The following UNC80 variants were observed in gnomAD, a reference collection of about 807,000 sequenced individuals.
UNC80 encodes the protein unc-80 subunit of NALCN channel complex, also known as protein unc-80 homolog.
UNC80 carries 164 observed loss-of-function variants against 384.6 expected under a neutral mutation model. The observed-to-expected ratio is 0.43, with a 90% CI of 0.38 to 0.49. The LOEUF is 0.49. UNC80 is among the 20% of genes least tolerant of loss of function. The pLI is 0.00. For missense variants in UNC80, 3,330 were observed against 4,143.0 expected, an observed-to-expected ratio of 0.80 and a Z score of 5.39; for synonymous variants, 1,486 against 1,527.8, an observed-to-expected ratio of 0.97 and a Z score of 0.64.
intron 29 of UNC80, among the ~76,000 whole-genome samples, chr2:209,908,873 A>G (rs923865453): frequency 1.3e-5 from 2 of 152,186 alleles, no homozygotes; most frequent in African/African-American, 4.8e-5. Flanking sequence ...CCTTTTGAGA[A>G]ATACTGCATT....
intron 35 of UNC80, among the ~76,000 whole-genome samples, chr2:209,924,722 C>G (rs533730470): frequency 2.6e-5 from 4 of 151,970 alleles, no homozygotes; most frequent in East Asian, 3.9e-4. Context: ...TCCAGCTTCT[C>G]CCAACTCATA....
intron 47 of UNC80, among the ~76,000 whole-genome samples, chr2:209,952,203 C>T (rs1463318902): frequency 6.6e-6 from 1 of 151,988 alleles, no homozygotes; most frequent in Non-Finnish European, 1.5e-5. Context: ...TGGATTTGAT[C>T]ATTTGGTTTT....
At chr2:209,893,073 C>G (rs943174169) in intron 26 of UNC80, among the ~76,000 whole-genome samples, 6 of 152,174 alleles carry the variant, frequency 3.9e-5, no homozygotes, top group African/African-American at 1.4e-4. Context: ...ATACATTTAG[C>G]TAATGTTTTC....
intron 48 of UNC80, among the ~76,000 whole-genome samples, chr2:209,955,738 T>TATATATATAC (rs1437539911): frequency 9.0e-4 from 48 of 53,498 alleles, no homozygotes; most frequent in Non-Finnish European, 1.3e-3. Flanking sequence ...TATATATATA[T>TATATATATAC]ACACACACAC....
chr2:209,886,033 G>C (rs1431110265), intron 25 of UNC80, among the ~76,000 whole-genome samples: 1 of 151,932 alleles, frequency 6.6e-6, no homozygotes, highest in African/African-American at 2.4e-5. Flanking sequence ...AAACTGCTGG[G>C]ATTACAGGTG....
At chr2:209,774,375 C>T (rs2076749074) in intron 2 of UNC80, among the ~76,000 whole-genome samples, 2 of 152,152 alleles carry the variant, frequency 1.3e-5, no homozygotes, top group Non-Finnish European at 2.9e-5. Context: ...GACAATTATA[C>T]TAGCTTAAAA....
intron 22 of UNC80, among the ~76,000 whole-genome samples, chr2:209,856,713 G>T (rs181934604): frequency 1.1e-3 from 174 of 151,974 alleles, no homozygotes; most frequent in African/African-American, 4.1e-3. Context: ...CAAATGTCAG[G>T]TGTCCTTATA....
chr2:209,789,433 T>C, intron 5 of UNC80, 99 bp from the exon 6 acceptor site: 4 of 776,348 alleles, frequency 5.2e-6, no homozygotes, highest in Non-Finnish European at 8.6e-6. Flanking sequence ...GTAATAATGT[T>C]CTATTAAAAT....
chr2:209,866,135 T>G (rs2083741964), intron 22 of UNC80, among the ~76,000 whole-genome samples: 1 of 152,196 alleles, frequency 6.6e-6, no homozygotes, highest in African/African-American at 2.4e-5. Context: ...ATTCTAAAAA[T>G]TCTCAACTTA....
chr2:209,930,042 A>C lies in UNC80; in HGVS notation c.5907+71A>C, dbSNP rs73984309. On this transcript the variant is annotated intron_variant, in intron 37 of 64. Transcript: ENST00000673920. Reference sequence around the variant, plus strand: ...GAACACTGTTAAAATCATGCAAAGAACTTTATAGTGCAGTGCATGCAACTC... The same window carrying C: ...GAACACTGTTAAAATCATGCAAAGACCTTTATAGTGCAGTGCATGCAACTC... 8.2e-4 allele frequency: 861 copies of C among 1,050,928 alleles called. 9 individuals carry two copies. In the African/African-American group the frequency reaches 0.012, roughly 15 times the overall value. 65.1% of individuals were successfully genotyped at this position (1,050,928 alleles called of 1,614,324 possible).
At position 209,819,138 on chromosome 2, in the gene UNC80, G is replaced by C. The variant is rs1368744937; in HGVS notation, c.1839G>C (p.Leu613=). 3.9e-6 allele frequency: 6 copies of C among 1,552,144 alleles called. No homozygotes were observed. The South Asian group carries it at 7.1e-5, about 18-fold the overall frequency. The part of the protein sequence containing the change: ...VPIPEMPHEP[L]ACANLPRSLT... ...TCCCGGAGATGCCACATGAACCTCT[G>C]GCATGTGCTAACCTACCTCGAAGCC... Residue 613 remains leucine (L), a synonymous_variant, in exon 12 of 65, where the codon CTG becomes CTC. Transcript: ENST00000673920.
rs1234571051 is a variant in UNC80 at position 209,957,742 on chromosome 2, T to G, written c.7550+6T>G. The G allele has an allele frequency of 1.9e-6, 3 of 1,551,140 alleles. No homozygotes were observed. The highest frequency in any genetic ancestry group is 2.6e-6 in the Non-Finnish European group (3 of 1,146,698). On this transcript the variant is annotated splice_donor_region_variant and intron_variant, in intron 49 of 64. Coordinates refer to ENST00000673920, the MANE Select transcript of UNC80 (RefSeq NM_001371986.1). ...TCGTCTGGGGTGAACACCAGGTAAT[T>G]CACTGCGCCTTATTCTTCTATGGTC...
chr2:209,900,813 C>T (rs972406776), intron 28 of UNC80, among the ~76,000 whole-genome samples: 1 of 152,142 alleles, frequency 6.6e-6, no homozygotes. Flanking sequence ...GAAAGTGAAA[C>T]AGTGTAATTG....
chr2:209,901,885 C>T (rs1039314106), intron 28 of UNC80, among the ~76,000 whole-genome samples: 10 of 151,548 alleles, frequency 6.6e-5, no homozygotes, highest in South Asian at 2.1e-4. Context: ...GCCGAGATCG[C>T]GCCACTGCAC....
chr2:209,843,584 A>AAATG (rs199630347), intron 21 of UNC80, among the ~76,000 whole-genome samples: 3 of 152,064 alleles, frequency 2.0e-5, no homozygotes, highest in Non-Finnish European at 4.4e-5. Flanking sequence ...ATAAATAAGC[A>AAATG]AATGAATGAA....
At position 209,826,002 on chromosome 2, in the gene UNC80, A is replaced by G; in HGVS notation, c.2427A>G (p.Gly809=). The G allele has an allele frequency of 6.4e-7, 1 of 1,550,910 alleles. No individual in the cohort carries two copies. The highest frequency in any genetic ancestry group is 8.7e-7 in the Non-Finnish European group (1 of 1,146,480). ...SLGCAYGCGE[G]HRGLSGDRLR... is the part of the protein sequence containing the mutation. The stretch of plus-strand genomic sequence containing the variant: ...GATGTGCCTATGGTTGTGGTGAAGG[A>G]CACCGAGGGCTCTCTGGAGATCGTC... Residue 809 remains glycine (G), a synonymous_variant, in exon 14 of 65, where the codon GGA becomes GGG. Transcript: ENST00000673920.
intron 7 of UNC80, chr2:209,794,935 G>A (rs1291654708): frequency 1.9e-5 from 7 of 365,134 alleles, no homozygotes; most frequent in Non-Finnish European, 3.8e-5. Context: ...ATTGGTACCA[G>A]TAGAGTGGGG....
intron 5 of UNC80, 137 bp downstream of exon 5, chr2:209,786,326 T>C (rs2077424209): frequency 4.4e-6 from 5 of 1,136,704 alleles, no homozygotes; most frequent in African/African-American, 1.6e-5. Flanking sequence ...TGTCCTGATA[T>C]AGGGCTTACT....
rs1559073039 is a variant in UNC80, at chr2:209,777,248, TC to T, written c.299-7del. 6.4e-7 allele frequency: 1 copy of T among 1,569,620 alleles called. No individual in the cohort carries two copies. The highest frequency in any genetic ancestry group is 1.9e-5 in the Admixed American group (1 of 52,008). On this transcript the variant is annotated splice_polypyrimidine_tract_variant and intron_variant, in intron 3 of 64. Coordinates refer to ENST00000673920, the MANE Select transcript of UNC80 (RefSeq NM_001371986.1). The stretch of plus-strand genomic sequence containing the variant: ...TTTTCTTAACCTGCCTGTGTAATTG[TC>T]CCATGCAGGCCACCAGGATAAATTG...
Sources: gnomAD v4.1 joint callset for allele counts (sites outside exome capture counted in the v4.1 genomes callset) on GRCh38, gnomAD v4.1.1 for gene constraint, MANE v1.5 for transcripts, NCBI Gene and HGNC (gene_info 2026-07-23, HGNC 2026-07-21) for gene names.